DFFA: variants seen among roughly 807,000 people sequenced by gnomAD.
DFFA encodes DFF45.
Under a neutral mutation model 28.0 loss-of-function variants are expected in DFFA, and 14 were observed. The ratio of observed to expected loss-of-function variants is 0.50; its 90% CI spans 0.33 to 0.78. DFFA has a LOEUF of 0.78. Among genes scored for constraint, DFFA ranks in the 30% least tolerant of loss-of-function variants. The probability of loss-of-function intolerance (pLI) is 0.02; values close to 1 mark genes in which losing one functional copy is unlikely to be tolerated. For missense variants in DFFA, 395 were observed against 407.1 expected (o/e 0.97, Z 0.26); for synonymous variants, 158 against 170.3 (o/e 0.93, Z 0.56).
rs1640972647 is a variant in DFFA at position 10,463,141 on chromosome 1, C to T, written c.700G>A (p.Asp234Asn). The change falls in exon 5 of 6, where the codon GAC becomes AAC. Residue 234 changes from aspartate (D) to asparagine (N), a missense_variant. Transcript: ENST00000377038. The stretch of plus-strand genomic sequence containing the variant: ...AGGATGTGGCTCGCCAGCGCAACGT[C>T]CGAGGAGGTCTCTCTGCTGATACCC... ...DTGISRETSS[D>N]VALASHILTA... is the part of the protein sequence containing the mutation. The T allele has an allele frequency of 3.7e-6, 6 of 1,614,170 alleles. No individual in the cohort carries two copies. The highest frequency in any genetic ancestry group is 5.1e-6 in the Non-Finnish European group (6 of 1,180,024).
At position 10,461,383 on chromosome 1, in the gene DFFA, T is replaced by A. The variant is rs1362433867; in HGVS notation, c.*107A>T. ...CTGGAATAGCTTCTCTGGAAGGTGC[T>A]CTAAGGCAGGGGGTAGAGTAGTACA... On this transcript the variant is annotated 3_prime_UTR_variant, in exon 6 of 6. Transcript: ENST00000377038. The A allele has an allele frequency of 6.9e-6, 10 of 1,458,594 alleles. No individual in the cohort carries two copies. Among genetic ancestry groups the A allele is most frequent in the Admixed American group, 2.6e-5 (1 of 39,004 alleles). 90.4% of individuals were successfully genotyped at this position (1,458,594 alleles called of 1,614,324 possible).
Position 10,459,555 on chromosome 1 carries a change from A to C in DFFA, c.*1935T>G, listed in dbSNP as rs1640899412. On this transcript the variant is annotated 3_prime_UTR_variant, in exon 6 of 6. Coordinates refer to ENST00000377038, the MANE Select transcript of DFFA (RefSeq NM_004401.3). ...GCTTAATATGTATCTTTAAACAAAC[A>C]CATAAAAAAATTCATTAACTGGAGA... The C allele has an allele frequency of 6.6e-6, 1 of 152,138 alleles. No homozygotes were observed. The allele number at this position is 152,138 out of a possible 1,614,324, so 9.4% of individuals were successfully genotyped here. A position where few individuals can be genotyped will look rare whatever the true frequency, so the allele number is the denominator to read the frequency against.
chr1:10,466,737 G>C (rs1219627618), intron 3 of DFFA, among the ~76,000 whole-genome samples: 1 of 151,804 alleles, frequency 6.6e-6, no homozygotes, highest in Non-Finnish European at 1.5e-5. Context: ...GAGGCAGGTG[G>C]ATCACTTGAA....
At position 10,469,220 on chromosome 1, in the gene DFFA, A is replaced by C; in HGVS notation, c.255T>G (p.Phe85Leu). 2 of 1,614,190 alleles carry C rather than the reference A, an allele frequency of 1.2e-6. No individual in the cohort carries two copies. Among genetic ancestry groups the C allele is most frequent in the Non-Finnish European group, 1.7e-6 (2 of 1,180,018 alleles). Residue 85 changes from phenylalanine (F) to leucine (L), a missense_variant, in exon 2 of 6, where the codon TTT (phenylalanine) becomes TTG (leucine). Transcript: ENST00000377038. ...ATTTCTCATTACTAGCCAATGCCAC[A>C]AACTTAGTATTGGAAGGTAGACACA... ...YFLCLPSNTKFVALASNEKWA... is the reference protein window; with the variant it reads ...YFLCLPSNTKLVALASNEKWA...
chr1:10,467,839 G>A (rs918745332), intron 2 of DFFA, among the ~76,000 whole-genome samples: 4 of 152,098 alleles, frequency 2.6e-5, no homozygotes, highest in Non-Finnish European at 4.4e-5. Context: ...TGTGTGCAAC[G>A]GCTCTGTATT....
chr1:10,468,821 C>T (rs1431174572), intron 2 of DFFA, among the ~76,000 whole-genome samples: 1 of 152,018 alleles, frequency 6.6e-6, no homozygotes, highest in Non-Finnish European at 1.5e-5. Flanking sequence ...TCACTGCAAC[C>T]TCCACCTCCC....
intron 5 of DFFA, chr1:10,462,723 C>T (rs935455432): frequency 1.5e-5 from 17 of 1,126,108 alleles, no homozygotes; most frequent in East Asian, 1.0e-4. Flanking sequence ...GACCTCAGGA[C>T]GGACTATAGA....
chr1:10,464,485 TAGG>T (rs772796066), intron 3 of DFFA, among the ~76,000 whole-genome samples: 4 of 152,094 alleles, frequency 2.6e-5, no homozygotes, highest in Non-Finnish European at 4.4e-5. Context: ...GAGGCTGAGG[TAGG>T]AGGACTGCTT....
Position 10,469,376 on chromosome 1 carries a change from C to T in DFFA, c.137-38G>A, listed in dbSNP as rs7552283. On this transcript the variant is annotated intron_variant, in intron 1 of 5. Coordinates refer to ENST00000377038, the MANE Select transcript of DFFA (RefSeq NM_004401.3). ...AAATATTTGGCAAATGACAAATAAC[C>T]GTAAGGAAATTACATCTATCCCTGC... The T allele has an allele frequency of 2.2e-3, 3,511 of 1,598,134 alleles. 56 individuals are homozygous for T. The African/African-American group carries it at 0.04, about 18-fold the overall frequency.
In DFFA at chr1:10,472,469, G is replaced by A; in HGVS notation, c.-11C>T. The A allele has an allele frequency of 2.5e-6, 4 of 1,598,768 alleles. No homozygotes were observed. The highest frequency in any genetic ancestry group is 3.4e-6 in the Non-Finnish European group (4 of 1,170,680). On this transcript the variant is annotated 5_prime_UTR_variant, in exon 1 of 6. Transcript: ENST00000377038. The surrounding 1 kb of genome is among the most constrained non-coding windows in gnomAD (Gnocchi z 5.0). ...CCCGGTCACCTCCATCCTCCACAAG[G>A]TGGGACCTGCCCACCTTCGAGAAGT...
chr1:10,465,426 T>C (rs575564887), intron 3 of DFFA, among the ~76,000 whole-genome samples: 38 of 152,196 alleles, frequency 2.5e-4, no homozygotes, highest in Non-Finnish European at 4.1e-4. Context: ...CCGCCACGCC[T>C]GGCTAATTTT....
intron 1 of DFFA, among the ~76,000 whole-genome samples, 169 bp from the exon 2 acceptor site, chr1:10,469,507 ATTCTG>A (rs982393938): frequency 3.9e-5 from 6 of 152,018 alleles, no homozygotes; most frequent in African/African-American, 1.4e-4. Flanking sequence ...CACGTGCCTG[ATTCTG>A]TTCTAAGTGT....
intron 5 of DFFA, chr1:10,462,669 AG>A (rs1276129311): frequency 9.7e-7 from 1 of 1,027,810 alleles, no homozygotes; most frequent in Non-Finnish European, 1.2e-6. Context: ...CTTAGCCAGC[AG>A]GCGACGATCC....
At position 10,459,608 on chromosome 1, in the gene DFFA, C is replaced by T. The variant is rs970243297; in HGVS notation, c.*1882G>A. 2 of 151,988 alleles carry T rather than the reference C, an allele frequency of 1.3e-5. No homozygotes were observed. The highest frequency in any genetic ancestry group is 2.9e-5 in the Non-Finnish European group (2 of 68,034). 9.4% of individuals were successfully genotyped at this position (151,988 alleles called of 1,614,324 possible). On this transcript the variant is annotated 3_prime_UTR_variant, in exon 6 of 6. Transcript: ENST00000377038. ...CAAGATTGTGGCCATAGTCAACACT[C>T]TATAATGTCACCATCTTCACCACTA...
intron 5 of DFFA, among the ~76,000 whole-genome samples, chr1:10,462,145 A>C (rs958059061): frequency 1.3e-4 from 20 of 151,432 alleles, no homozygotes; most frequent in Admixed American, 1.3e-3. Flanking sequence ...GGCGTGAGCC[A>C]CCGCGCCCAG....
chr1:10,463,655 G>A, intron 3 of DFFA, 35 bp from the exon 4 acceptor site: 2 of 1,568,604 alleles, frequency 1.3e-6, no homozygotes, highest in African/African-American at 1.4e-5. Context: ...GAAATCTACA[G>A]GGACTTTCTG....
intron 3 of DFFA, among the ~76,000 whole-genome samples, chr1:10,464,740 A>G (rs1463336444): frequency 6.6e-6 from 1 of 152,104 alleles, no homozygotes; most frequent in Non-Finnish European, 1.5e-5. Context: ...AAAACAAAAA[A>G]CACCAAGAAA....
rs942079673 is a variant in DFFA, at chr1:10,460,296, T to C, written c.*1194A>G. 6.6e-6 allele frequency: 1 copy of C among 151,874 alleles called. No homozygotes were observed. Among genetic ancestry groups the C allele is most frequent in the African/African-American group, 2.4e-5 (1 of 41,358 alleles). 9.4% of individuals were successfully genotyped at this position (151,874 alleles called of 1,614,324 possible). On this transcript the variant is annotated 3_prime_UTR_variant, in exon 6 of 6. Transcript: ENST00000377038. ...TTTCTTGAGATACGGAGTCTAGCTC[T>C]GTCACCCAGGCTGGAGTGCAGTGGT...
chr1:10,465,732 T>C (rs139851340), intron 3 of DFFA, among the ~76,000 whole-genome samples: 5 of 152,164 alleles, frequency 3.3e-5, no homozygotes, highest in Middle Eastern at 3.4e-3. Flanking sequence ...GGTCTTGCTT[T>C]GTTGCCCAGG....
Sources: allele counts gnomAD v4.1 joint callset (sites outside exome capture counted in the v4.1 genomes callset), GRCh38; gene constraint gnomAD v4.1.1; non-coding constraint Gnocchi (gnomAD v3.1); transcripts MANE v1.5; gene names NCBI Gene and HGNC (gene_info 2026-07-23, HGNC 2026-07-21).